The following WDR49 variants were observed in gnomAD, a reference collection of about 807,000 sequenced individuals.
WDR49 encodes WD repeat domain 49, also known as cilia- and flagella-associated protein 337.
WDR49 carries 107 observed loss-of-function variants against 119.5 expected under a neutral mutation model. That is an observed-to-expected ratio of 0.90 (90% confidence interval 0.77 to 1.05). The LOEUF (loss-of-function observed/expected upper bound fraction) is 1.05, where lower values mean the gene tolerates loss of function less well. WDR49 is among the 50% of genes least tolerant of loss of function. The probability of loss-of-function intolerance (pLI) is 0.00; values close to 1 mark genes in which losing one functional copy is unlikely to be tolerated. For synonymous variants in WDR49, 425 were observed against 418.8 expected, an observed-to-expected ratio of 1.01 and a Z score of -0.18; for missense variants, 1,240 against 1,220.5, an observed-to-expected ratio of 1.02 and a Z score of -0.24.
chr3:167,606,032 G>T lies in WDR49; in HGVS notation c.959-1564C>A, dbSNP rs116457983. ...TCAAGTTTTAACATTCACACAAATC[G>T]CTATGTGAAAATGCAGATTCTCATT... On this transcript the variant is annotated intron_variant, in intron 5 of 18. Transcript: ENST00000682715. Among the ~76,000 whole-genome samples, 356 of 152,152 alleles carry T rather than the reference G, an allele frequency of 2.3e-3. 1 individual carries two copies. Among genetic ancestry groups the T allele is most frequent in the African/African-American group, 8.0e-3 (331 of 41,526 alleles).
chr3:167,624,485 A>C (rs1235543124), intron 3 of WDR49, among the ~76,000 whole-genome samples: 1 of 152,110 alleles, frequency 6.6e-6, no homozygotes, highest in Non-Finnish European at 1.5e-5. Context: ...TGGGAGTTAC[A>C]AAACACTGCT....
At chr3:167,657,671 C>A (rs1718637195), upstream of WDR49, among the ~76,000 whole-genome samples, 1 of 152,166 alleles carries the variant, frequency 6.6e-6, no homozygotes, top group Non-Finnish European at 1.5e-5. Flanking sequence ...CTCCCTCCAC[C>A]TCCTCACTTC....
At chr3:167,564,015 G>A (rs2108273477) in intron 8 of WDR49, among the ~76,000 whole-genome samples, 1 of 152,294 alleles carries the variant, frequency 6.6e-6, no homozygotes, top group Middle Eastern at 3.4e-3. Flanking sequence ...ACATTACAAA[G>A]CATCTAATCA....
intron 18 of WDR49, among the ~76,000 whole-genome samples, chr3:167,488,879 C>A (rs989700263): frequency 6.6e-6 from 1 of 152,076 alleles, no homozygotes; most frequent in African/African-American, 2.4e-5. Flanking sequence ...TCTTTTCTGT[C>A]CCTGGAACAT....
chr3:167,485,277 G>A (rs901789149), intron 18 of WDR49, among the ~76,000 whole-genome samples: 1 of 151,762 alleles, frequency 6.6e-6, no homozygotes, highest in Admixed American at 6.6e-5. Context: ...AGGTTGACAG[G>A]TGCAGCAAAC....
chr3:167,612,625 A>T (rs1716393521), intron 5 of WDR49, among the ~76,000 whole-genome samples: 1 of 152,204 alleles, frequency 6.6e-6, no homozygotes, highest in South Asian at 2.1e-4. Context: ...GAAATGAAAA[A>T]GGAGACATTA....
At chr3:167,570,893 G>A (rs117323968) in intron 8 of WDR49, among the ~76,000 whole-genome samples, 8,892 of 151,962 alleles carry the variant, frequency 0.059, 696 homozygotes, top group African/African-American at 0.17. Context: ...AAAAGTAGCC[G>A]GGCATGGTGG....
intron 7 of WDR49, among the ~76,000 whole-genome samples, chr3:167,592,441 T>C (rs1715178284): frequency 6.7e-6 from 1 of 149,684 alleles, no homozygotes; most frequent in African/African-American, 2.5e-5. Context: ...CTTTTTCTTT[T>C]TTTTTTTTTT....
chr3:167,500,940 G>A (rs1379118176), intron 17 of WDR49, among the ~76,000 whole-genome samples: 2 of 152,068 alleles, frequency 1.3e-5, no homozygotes, highest in African/African-American at 4.8e-5. Context: ...TTTTTGTCAC[G>A]ATGGTGACTC....
At chr3:167,535,731 A>G (rs1752997008) in intron 11 of WDR49, among the ~76,000 whole-genome samples, 1 of 152,186 alleles carries the variant, frequency 6.6e-6, no homozygotes, top group South Asian at 2.1e-4. Context: ...AAATTCCACT[A>G]CTGGGTAAGG....
intron 2 of WDR49, among the ~76,000 whole-genome samples, chr3:167,646,567 A>G (rs555420297): frequency 1.1e-4 from 16 of 152,206 alleles, no homozygotes; most frequent in Non-Finnish European, 2.4e-4. Context: ...TTTGCAGTCC[A>G]GTATAGTAGC....
chr3:167,611,021 A>G lies in WDR49; in HGVS notation c.959-6553T>C, dbSNP rs74394331. Among the ~76,000 whole-genome samples, 1,284 of 152,340 alleles carry G rather than the reference A, an allele frequency of 8.4e-3. 88 individuals are homozygous for G. In the East Asian group the frequency reaches 0.17, roughly 21 times the overall value. The stretch of plus-strand genomic sequence containing the variant: ...GAAGGTACAAAACTCACTGGTAATG[A>G]TAAGTGCACAGAAAACCACAGAATA... On this transcript the variant is annotated intron_variant, in intron 5 of 18. Transcript: ENST00000682715.
At chr3:167,593,661 T>G (rs1286928932) in intron 7 of WDR49, among the ~76,000 whole-genome samples, 2 of 152,104 alleles carry the variant, frequency 1.3e-5, no homozygotes, top group Non-Finnish European at 2.9e-5. Context: ...GTGTTGGTGT[T>G]AGTAGCTGTT....
chr3:167,566,831 A>C (rs939390314), intron 8 of WDR49: 1 of 662,276 alleles, frequency 1.5e-6, no homozygotes, highest in South Asian at 1.7e-5. Context: ...TATACTTACT[A>C]TTTATTGAGT....
At chr3:167,610,346 C>G (rs570610518) in intron 5 of WDR49, among the ~76,000 whole-genome samples, 1 of 152,106 alleles carries the variant, frequency 6.6e-6, no homozygotes, top group Admixed American at 6.5e-5. Context: ...GCAGCACTGA[C>G]GACAAGCTGA....
chr3:167,525,821 T>C (rs1752608804), intron 15 of WDR49, among the ~76,000 whole-genome samples: 1 of 150,764 alleles, frequency 6.6e-6, no homozygotes, highest in Non-Finnish European at 1.5e-5. Context: ...ATAAAAGTGA[T>C]TCTAATTTTT....
At chr3:167,563,374 A>AAG (rs1053408335) in intron 8 of WDR49, among the ~76,000 whole-genome samples, 4 of 136,216 alleles carry the variant, frequency 2.9e-5, no homozygotes, top group Admixed American at 2.1e-4. Flanking sequence ...AAAAAAAAAA[A>AAG]AAAGAAAGAA....
Position 167,647,853 on chromosome 3 carries a change from T to C in WDR49, c.165+5408A>G, listed in dbSNP as rs1718198932. Among the ~76,000 whole-genome samples, 3 of 152,210 alleles carry C rather than the reference T, an allele frequency of 2.0e-5. No homozygotes were observed. In the South Asian group the frequency reaches 6.2e-4, roughly 32 times the overall value. ...AAAAGCAATTGGTTATTATCTTCTT[T>C]TCATTCTTCCACCCTTTCTCTACCT... On this transcript the variant is annotated intron_variant, in intron 2 of 18. Coordinates refer to ENST00000682715, the MANE Select transcript of WDR49 (RefSeq NM_001366157.1).
chr3:167,505,198 A>G (rs1299279973), intron 17 of WDR49, 109 bp downstream of exon 17: 4 of 1,240,076 alleles, frequency 3.2e-6, no homozygotes, highest in African/African-American at 1.6e-5. Flanking sequence ...CATTACATTC[A>G]TGTTTATTAA....
Sources: allele counts gnomAD v4.1 joint callset (sites outside exome capture counted in the v4.1 genomes callset), GRCh38; gene constraint gnomAD v4.1.1; transcripts MANE v1.5; gene names NCBI Gene and HGNC (gene_info 2026-07-23, HGNC 2026-07-21).